KCNT2: variants seen among roughly 807,000 people sequenced by gnomAD.
KCNT2 encodes the protein potassium sodium-activated channel subfamily T member 2, also known as potassium channel subfamily T member 2.
KCNT2 carries 67 observed loss-of-function variants against 153.8 expected under a neutral mutation model. The observed-to-expected ratio is 0.44, with a 90% CI of 0.36 to 0.53. The LOEUF (loss-of-function observed/expected upper bound fraction) is 0.53. Among genes scored for constraint, KCNT2 ranks in the 20% least tolerant of loss-of-function variants. The pLI, the probability that KCNT2 is intolerant of heterozygous loss-of-function variation, is 0.00. For missense variants in KCNT2, 975 were observed against 1,354.8 expected (o/e 0.72, Z 4.40); for synonymous variants, 500 against 458.8 (o/e 1.09, Z -1.15).
chr1:196,379,149 C>T (rs1669236431), intron 13 of KCNT2, among the ~76,000 whole-genome samples: 1 of 152,090 alleles, frequency 6.6e-6, no homozygotes, highest in African/African-American at 2.4e-5. Flanking sequence ...GGTGAGACAA[C>T]ATATGTAGCA....
rs773215569 is a variant in KCNT2, at chr1:196,342,176, C to T, written c.1456G>A (p.Gly486Arg). Residue 486 changes from glycine to arginine, a missense_variant, in exon 15 of 28, where the codon GGG becomes AGG. Gly to Arg is a moderately radical substitution (Grantham distance 125). Around this residue, in one of 6 missense-constraint regions of KCNT2, gnomAD observed 325 missense variants for 388.1 expected, o/e 0.84. Transcript: ENST00000294725. Reference sequence around the variant, plus strand: ...AAAACAATGTGGTAGACTTCATTCCCGGAGCATCTACCGTACATCTTCTGC... The same window carrying T: ...AAAACAATGTGGTAGACTTCATTCCTGGAGCATCTACCGTACATCTTCTGC... ...QWQKMYGRCS[G>R]NEVYHIVLEE... 5.6e-6 allele frequency: 9 copies of T among 1,611,558 alleles called. No homozygotes were observed. Among genetic ancestry groups the T allele is most frequent in the African/African-American group, 2.7e-5 (2 of 74,808 alleles).
intron 12 of KCNT2, among the ~76,000 whole-genome samples, chr1:196,399,446 A>C (rs1471644523): frequency 6.6e-6 from 1 of 151,816 alleles, no homozygotes; most frequent in Non-Finnish European, 1.5e-5. Context: ...AAAGTTAAGA[A>C]TGTAATTACT....
At chr1:196,344,761 A>T (rs1665990864) in intron 14 of KCNT2, among the ~76,000 whole-genome samples, 1 of 152,212 alleles carries the variant, frequency 6.6e-6, no homozygotes, top group South Asian at 2.1e-4. Flanking sequence ...ATGGAATCGG[A>T]CTAGGACAGT....
At chr1:196,335,490 C>T (rs910480648) in intron 16 of KCNT2, among the ~76,000 whole-genome samples, 3 of 152,126 alleles carry the variant, frequency 2.0e-5, no homozygotes, top group South Asian at 2.1e-4. Flanking sequence ...GTAGTCAATT[C>T]TAACACAATG....
intron 16 of KCNT2, among the ~76,000 whole-genome samples, chr1:196,339,518 C>CAGAGAGAGAG (rs1456186234): frequency 1.0e-5 from 1 of 100,270 alleles, no homozygotes; most frequent in African/African-American, 3.2e-5. Context: ...CACACACACA[C>CAGAGAGAGAG]ACAGAGAGAG....
intron 14 of KCNT2, among the ~76,000 whole-genome samples, chr1:196,353,563 A>G (rs1666931799): frequency 6.6e-6 from 1 of 152,004 alleles, no homozygotes; most frequent in Admixed American, 6.6e-5. Context: ...TAAAGATATT[A>G]TCTGTTCCAT....
intron 3 of KCNT2, among the ~76,000 whole-genome samples, chr1:196,486,812 C>G (rs1197027305): frequency 6.6e-6 from 1 of 151,676 alleles, no homozygotes; most frequent in Non-Finnish European, 1.5e-5. Flanking sequence ...ACACTAAAAT[C>G]TGAATACTAG....
Position 196,342,078 on chromosome 1 carries a change from C to A in KCNT2, c.1553+1G>T. 6.3e-7 allele frequency: 1 copy of A among 1,597,916 alleles called. No individual in the cohort carries two copies. On this transcript the variant is annotated splice_donor_variant, in intron 15 of 27. Coordinates refer to ENST00000294725, the MANE Select transcript of KCNT2 (RefSeq NM_198503.5). LOFTEE classifies it high-confidence loss of function. ...AATTTTTCTCTGAGGCAGAAACATA[C>A]TTTTTGTGTGCATGGAAAGAGGCAT...
chr1:196,384,853 G>T (rs1215435511), intron 13 of KCNT2, among the ~76,000 whole-genome samples: 2 of 151,960 alleles, frequency 1.3e-5, no homozygotes, highest in African/African-American at 4.8e-5. Context: ...TTTGGCCACT[G>T]GTTATCTTTT....
chr1:196,337,887 C>T (rs2148137656), intron 16 of KCNT2, among the ~76,000 whole-genome samples: 1 of 152,134 alleles, frequency 6.6e-6, no homozygotes, highest in Middle Eastern at 3.4e-3. Flanking sequence ...TTGGTTATCG[C>T]CTGTCTTCTC....
At chr1:196,450,639 TGC>T (rs750516616) in intron 8 of KCNT2, among the ~76,000 whole-genome samples, 1 of 151,828 alleles carries the variant, frequency 6.6e-6, no homozygotes, top group Non-Finnish European at 1.5e-5. Context: ...TAAAGCAGAT[TGC>T]AAATCCAATC....
chr1:196,393,247 T>A (rs1670639578), intron 13 of KCNT2, among the ~76,000 whole-genome samples: 1 of 151,482 alleles, frequency 6.6e-6, no homozygotes, highest in Non-Finnish European at 1.5e-5. Context: ...TTCTCATATC[T>A]GTTCAAATGA....
chr1:196,256,709 A>AATATATATATATATATATATATAT (rs144323772), intron 26 of KCNT2, among the ~76,000 whole-genome samples: 12 of 144,172 alleles, frequency 8.3e-5, no homozygotes, highest in African/African-American at 3.0e-4. Context: ...TTATCATGGA[A>AATATATATATATATATATATATAT]ATATATATAT....
At chr1:196,532,435 C>A (rs1392218924) in intron 1 of KCNT2, among the ~76,000 whole-genome samples, 1 of 151,902 alleles carries the variant, frequency 6.6e-6, no homozygotes, top group African/African-American at 2.4e-5. Context: ...TCCAAGCTCC[C>A]ACTTGGGACA....
At chr1:196,435,671 T>C (rs927610725) in intron 8 of KCNT2, among the ~76,000 whole-genome samples, 3 of 151,752 alleles carry the variant, frequency 2.0e-5, no homozygotes, top group Admixed American at 6.6e-5. Flanking sequence ...TACTGCATGC[T>C]CTAATACAAA....
intron 12 of KCNT2, among the ~76,000 whole-genome samples, chr1:196,403,133 T>A (rs1421712824): frequency 6.6e-6 from 1 of 151,684 alleles, no homozygotes; most frequent in Non-Finnish European, 1.5e-5. Flanking sequence ...TAAAACAACT[T>A]AATTTATAAT....
At chr1:196,541,140 A>T (rs921919195) in intron 1 of KCNT2, among the ~76,000 whole-genome samples, 3 of 5,700 alleles carry the variant, frequency 5.3e-4, no homozygotes, top group African/African-American at 5.9e-4. Flanking sequence ...CTGTACTGAG[A>T]TAAAAAAAGC....
At chr1:196,365,385 A>T (rs1667955669) in intron 14 of KCNT2, among the ~76,000 whole-genome samples, 1 of 152,164 alleles carries the variant, frequency 6.6e-6, no homozygotes, top group Non-Finnish European at 1.5e-5. Flanking sequence ...CCTGTAACTC[A>T]TGGTGGCTTT....
intron 12 of KCNT2, among the ~76,000 whole-genome samples, chr1:196,415,934 G>GCCTTCCCACAGTTTCA (rs1672719109): frequency 6.6e-6 from 1 of 151,858 alleles, no homozygotes; most frequent in Admixed American, 6.6e-5. Flanking sequence ...CCACAGTTTT[G>GCCTTCCCACAGTTTCA]CCTTCCCACA....
Sources: gnomAD v4.1 joint callset for allele counts (sites outside exome capture counted in the v4.1 genomes callset) on GRCh38, gnomAD v4.1.1 for gene constraint, gnomAD v4.1.1 regional missense constraint, MANE v1.5 for transcripts, NCBI Gene and HGNC (gene_info 2026-07-23, HGNC 2026-07-21) for gene names.